Variants in RNF144A observed in about 807,000 individuals in gnomAD.
RNF144A encodes the protein ring finger protein 144A.
A neutral mutation model predicts 38.7 loss-of-function variants in RNF144A; 11 were observed. That is an observed-to-expected ratio of 0.28 (90% CI 0.18 to 0.47). The LOEUF is 0.47. Among genes scored for constraint, RNF144A ranks in the 20% least tolerant of loss-of-function variants. The pLI is 0.99. For missense variants in RNF144A, 316 were observed against 377.2 expected, an observed-to-expected ratio of 0.84 and a Z score of 1.34; for synonymous variants, 149 against 143.9, an observed-to-expected ratio of 1.04 and a Z score of -0.25.
At chr2:7,035,994 C>CGCGAAT (rs1423479992) in intron 8 of RNF144A, among the ~76,000 whole-genome samples, 22 of 152,142 alleles carry the variant, frequency 1.4e-4, no homozygotes, top group African/African-American at 5.3e-4. Flanking sequence ...GCAGAGTGGC[C>CGCGAAT]GCGAATGCAA....
chr2:7,021,149 C>T (rs922314795), intron 6 of RNF144A, among the ~76,000 whole-genome samples: 6 of 152,146 alleles, frequency 3.9e-5, no homozygotes, highest in African/African-American at 1.4e-4. Flanking sequence ...CAGCCATAGT[C>T]GGGCTGTTTG....
At position 7,030,152 on chromosome 2, in the gene RNF144A, T is replaced by A. The variant is rs563165809; in HGVS notation, c.684T>A (p.Asp228Glu). The A allele has an allele frequency of 6.8e-6, 11 of 1,613,822 alleles. No individual in the cohort carries two copies. The East Asian group carries it at 2.2e-4, about 33-fold the overall frequency. Residue 228 changes from aspartate (D) to glutamate (E), a missense_variant, in exon 8 of 9, where the codon GAT (aspartate) becomes GAA (glutamate). By Grantham distance (45) the Asp-to-Glu change is conservative. Transcript: ENST00000320892. The stretch of plus-strand genomic sequence containing the variant: ...ATGATTTCCTTCTGATACACTACGA[T>A]AAGGGACCCTGCCGGAACAAGCTGG... ...LDDDFLLIHY[D>E]KGPCRNKLGH...
At chr2:6,960,626 C>T (rs554667480) in intron 2 of RNF144A, among the ~76,000 whole-genome samples, 1 of 152,288 alleles carries the variant, frequency 6.6e-6, no homozygotes, top group Non-Finnish European at 1.5e-5. Context: ...GAGCACTGAC[C>T]TGCTCTCTGC....
chr2:7,046,132 G>T (rs1453277672), downstream of RNF144A, among the ~76,000 whole-genome samples: 4 of 152,198 alleles, frequency 2.6e-5, no homozygotes, highest in African/African-American at 9.7e-5. Context: ...TGACTTGTTT[G>T]CAGGAGGTAC....
At chr2:7,074,296 C>G in the RNF144A span, among the ~76,000 whole-genome samples, 3 of 152,144 alleles carry the variant, frequency 2.0e-5, no homozygotes, top group African/African-American at 4.8e-5. Flanking sequence ...GCCTACCCAC[C>G]CACCCATTTA....
chr2:7,041,069 C>G lies in RNF144A; in HGVS notation c.*1309C>G. On this transcript the variant is annotated 3_prime_UTR_variant, in exon 9 of 9. Coordinates refer to ENST00000320892, the MANE Select transcript of RNF144A (RefSeq NM_014746.6). ...TTTAAAGAGAATTTACTTCTAAAAGCCACAGGTGCTTTTACAAAGCAAACT... is the reference window on the plus strand; with the variant it reads ...TTTAAAGAGAATTTACTTCTAAAAGGCACAGGTGCTTTTACAAAGCAAACT... The G allele has an allele frequency of 4.1e-6, 4 of 985,124 alleles. No homozygotes were observed. The highest frequency in any genetic ancestry group is 4.8e-6 in the Non-Finnish European group (4 of 829,686). The allele number at this position is 985,124 out of a possible 1,614,324, so 61.0% of individuals were successfully genotyped here.
intron 2 of RNF144A, among the ~76,000 whole-genome samples, chr2:6,981,498 A>T (rs1668631690): frequency 6.6e-6 from 1 of 152,102 alleles, no homozygotes; most frequent in Admixed American, 6.6e-5. Flanking sequence ...AGTTCCACAG[A>T]TCTCTAGGGC....
chr2:7,068,597 G>A (rs1052488340), downstream of RNF144A, among the ~76,000 whole-genome samples: 7 of 152,222 alleles, frequency 4.6e-5, no homozygotes, highest in Admixed American at 4.6e-4. Context: ...CTGCACTGGC[G>A]AATCCGAGTC....
chr2:7,000,489 TAGA>T lies in RNF144A; in HGVS notation c.135+3432_135+3434del, dbSNP rs933219659. The stretch of plus-strand genomic sequence containing the variant: ...TCCTTATGGGCTGAAATCTAAAATG[TAGA>T]AGATGTTTTAACTTAAAATGGGACA... On this transcript the variant is annotated intron_variant, in intron 3 of 8. Coordinates refer to ENST00000320892, the MANE Select transcript of RNF144A (RefSeq NM_014746.6). Among the ~76,000 whole-genome samples the T allele has an allele frequency of 7.9e-5, 12 of 152,332 alleles. 2 individuals are homozygous for T. Among genetic ancestry groups the T allele is most frequent in the Admixed American group, 7.2e-4 (11 of 15,302 alleles).
chr2:7,071,590 A>G (rs1674486427), downstream of RNF144A, among the ~76,000 whole-genome samples: 1 of 152,190 alleles, frequency 6.6e-6, no homozygotes, highest in African/African-American at 2.4e-5. Flanking sequence ...TTACAGGTAA[A>G]TACCATTGTG....
At chr2:7,023,498 A>G (rs531511258) in intron 6 of RNF144A, among the ~76,000 whole-genome samples, 3 of 152,288 alleles carry the variant, frequency 2.0e-5, no homozygotes, top group East Asian at 3.9e-4. Context: ...AGTTCCAACA[A>G]TATAGCAAAT....
intron 1 of RNF144A, among the ~76,000 whole-genome samples, chr2:6,933,529 A>G (rs1665340108): frequency 6.6e-6 from 1 of 152,162 alleles, no homozygotes; most frequent in Non-Finnish European, 1.5e-5. Flanking sequence ...GTTTTCTCTC[A>G]GTGTATAGTA....
chr2:7,075,839 C>T, the RNF144A span, among the ~76,000 whole-genome samples: 6 of 152,156 alleles, frequency 3.9e-5, no homozygotes, highest in African/African-American at 1.4e-4. Flanking sequence ...TTGCTCAAGT[C>T]TAAGGGGAAG....
Position 6,917,999 on chromosome 2 carries a change from G to A in RNF144A, c.-212+377G>A, listed in dbSNP as rs1572174490. On this transcript the variant is annotated intron_variant, in intron 1 of 8. Coordinates refer to ENST00000320892, the MANE Select transcript of RNF144A (RefSeq NM_014746.6). The surrounding 1 kb of genome is among the most constrained non-coding windows in gnomAD (Gnocchi z 4.8). ...GCTGCGGCGCGGGACAGGGCGCCCC[G>A]GGCCAGGGTCCCGCGGGCGAGCTGG... Among the ~76,000 whole-genome samples the A allele has an allele frequency of 6.6e-6, 1 of 151,748 alleles. No homozygotes were observed. The highest frequency in any genetic ancestry group is 1.5e-5 in the Non-Finnish European group (1 of 67,858).
intron 2 of RNF144A, among the ~76,000 whole-genome samples, chr2:6,976,001 G>A (rs1668289929): frequency 6.6e-6 from 1 of 152,168 alleles, no homozygotes; most frequent in Non-Finnish European, 1.5e-5. Flanking sequence ...CAGCGGCACA[G>A]TATTCCATTG....
At chr2:6,989,579 C>G (rs547102093) in intron 2 of RNF144A, among the ~76,000 whole-genome samples, 1 of 152,260 alleles carries the variant, frequency 6.6e-6, no homozygotes, top group East Asian at 1.9e-4. Flanking sequence ...CCTACCATGC[C>G]CCTGACCTCC....
intron 8 of RNF144A, among the ~76,000 whole-genome samples, chr2:7,031,075 G>T (rs1457965877): frequency 1.3e-5 from 2 of 152,068 alleles, no homozygotes; most frequent in Non-Finnish European, 2.9e-5. Flanking sequence ...ACAGATGAAG[G>T]TTTGCTCGTT....
At chr2:6,990,660 G>A (rs1224416001) in intron 2 of RNF144A, among the ~76,000 whole-genome samples, 1 of 151,366 alleles carries the variant, frequency 6.6e-6, no homozygotes, top group Non-Finnish European at 1.5e-5. Context: ...TGGGGGTTTG[G>A]GCTTCTGCAT....
chr2:7,031,758 T>C (rs1672317559), intron 8 of RNF144A, among the ~76,000 whole-genome samples: 1 of 152,264 alleles, frequency 6.6e-6, no homozygotes, highest in Non-Finnish European at 1.5e-5. Context: ...GCAGAGCCTG[T>C]GGGCGTCCAC....
Sources: gnomAD v4.1 joint callset for allele counts (sites outside exome capture counted in the v4.1 genomes callset) on GRCh38, gnomAD v4.1.1 for gene constraint, Gnocchi (gnomAD v3.1) non-coding constraint, MANE v1.5 for transcripts, NCBI Gene and HGNC (gene_info 2026-07-23, HGNC 2026-07-21) for gene names.